Variants in NUP62CL observed in about 807,000 individuals in gnomAD.
NUP62CL encodes nucleoporin-62 C-terminal-like protein.
Under a neutral mutation model 15.3 loss-of-function variants are expected in NUP62CL, and 13 were observed. The observed-to-expected ratio is 0.85, with a 90% CI of 0.55 to 1.35. The LOEUF (loss-of-function observed/expected upper bound fraction) is 1.35. Among genes scored for constraint, NUP62CL ranks in the 40% most tolerant of loss-of-function variants. The pLI, the probability that NUP62CL is intolerant of heterozygous loss-of-function variation, is 0.00. For missense variants in NUP62CL, 123 were observed against 130.6 expected (o/e 0.94, Z 0.28); for synonymous variants, 54 against 49.2 (o/e 1.10, Z -0.41).
At chrX:107,166,209 C>G (rs1926513415) in intron 4 of NUP62CL, among the ~76,000 whole-genome samples, 1 of 111,308 alleles carries the variant, frequency 9.0e-6, no homozygotes, top group African/African-American at 3.3e-5. Flanking sequence ...GAAAACCAAA[C>G]AGTAAAAAAA....
chrX:107,154,804 C>G (rs982835), intron 4 of NUP62CL, among the ~76,000 whole-genome samples: 40,887 of 110,904 alleles, frequency 0.37, 8,136 homozygotes, highest in African/African-American at 0.77. Context: ...AGTGTCAGCA[C>G]GGCTCAGTGG....
chrX:107,172,161 TAAA>T (rs756508608), intron 3 of NUP62CL, among the ~76,000 whole-genome samples: 2 of 76,456 alleles, frequency 2.6e-5, no homozygotes, highest in Non-Finnish European at 2.6e-5. Context: ...TCATCTCTAC[TAAA>T]AAAAAAAAAA....
In NUP62CL at chrX:107,164,427, T is replaced by C. The variant is rs755888235; in HGVS notation, c.194+3222A>G. ...ATCTCAAATCAATAGTCTGAGTTCATACCTCAACGAACTAGAAAAAGAGCA... is the reference window on the plus strand; with the variant it reads ...ATCTCAAATCAATAGTCTGAGTTCACACCTCAACGAACTAGAAAAAGAGCA... On this transcript the variant is annotated intron_variant, in intron 4 of 8. Coordinates refer to ENST00000372466, the MANE Select transcript of NUP62CL (RefSeq NM_017681.3). 3.6e-5 allele frequency among the ~76,000 whole-genome samples: 4 copies of C among 110,781 alleles called. No homozygotes were observed. In the Admixed American group the frequency reaches 3.8e-4, roughly 11 times the overall value.
chrX:107,185,097 T>C (rs1446329447), intron 2 of NUP62CL, among the ~76,000 whole-genome samples: 9 of 104,727 alleles, frequency 8.6e-5, no homozygotes, highest in Non-Finnish European at 9.6e-5. Context: ...CTCGGGAGGC[T>C]GAGGCAGGCG....
intron 4 of NUP62CL, among the ~76,000 whole-genome samples, chrX:107,166,060 G>C (rs1167848142): frequency 1.8e-5 from 2 of 111,752 alleles, no homozygotes; most frequent in African/African-American, 6.5e-5. Flanking sequence ...GTGATAAACT[G>C]TAACTCATTA....
At chrX:107,155,859 T>C (rs1046182600) in intron 4 of NUP62CL, among the ~76,000 whole-genome samples, 2 of 112,031 alleles carry the variant, frequency 1.8e-5, no homozygotes, top group African/African-American at 6.5e-5. Context: ...TGCATTTCCA[T>C]CTGAGGTACC....
At position 107,124,170 on chromosome X, in the gene NUP62CL, T is replaced by A. The variant is rs1388590358; in HGVS notation, c.*205A>T. On this transcript the variant is annotated 3_prime_UTR_variant, in exon 9 of 9. Transcript: ENST00000372466. ...ATCAAGATGAAATATTAAGTATAAA[T>A]ACTACTCTATTTAACATCAGAATTT... 6.3e-6 allele frequency: 2 copies of A among 316,658 alleles called. No homozygotes were observed. The highest frequency in any genetic ancestry group is 7.8e-5 in the Admixed American group (2 of 25,806). 26.1% of individuals were successfully genotyped at this position (316,658 alleles called of 1,213,427 possible).
intron 2 of NUP62CL, among the ~76,000 whole-genome samples, chrX:107,178,047 T>A (rs540744702): frequency 2.7e-5 from 3 of 111,870 alleles, no homozygotes; most frequent in South Asian, 7.5e-4. Context: ...CACGCTACCA[T>A]ATGAATGAGC....
chrX:107,180,417 G>A (rs1008097457), intron 2 of NUP62CL, among the ~76,000 whole-genome samples: 1 of 111,504 alleles, frequency 9.0e-6, no homozygotes, highest in Non-Finnish European at 1.9e-5. Flanking sequence ...GCAAGGGACT[G>A]GATATATAAA....
At position 107,204,051 on chromosome X, in the gene NUP62CL, T is replaced by A. The variant is rs774266752; in HGVS notation, c.-92+2222A>T. ...CTTTATTTCACCATTATTCTTTTTT[T>A]TTATTATTATACTTTAAGTTTTAGG... is the stretch of plus-strand genomic sequence containing the variant. On this transcript the variant is annotated intron_variant, in intron 1 of 8. Coordinates refer to ENST00000372466, the MANE Select transcript of NUP62CL (RefSeq NM_017681.3). Among the ~76,000 whole-genome samples, 170 of 111,462 alleles carry A rather than the reference T, an allele frequency of 1.5e-3. 1 individual carries two copies. The highest frequency in any genetic ancestry group is 5.2e-3 in the African/African-American group (161 of 30,705).
rs756508608 is a variant in NUP62CL, at chrX:107,172,161, T to TAA, written c.58+2926_58+2927dup. On this transcript the variant is annotated intron_variant, in intron 3 of 8. Coordinates refer to ENST00000372466, the MANE Select transcript of NUP62CL (RefSeq NM_017681.3). ...CAATGTAGTGAGACCTCATCTCTAC[T>TAA]AAAAAAAAAAAAAAAAAAATCAGTT... Among the ~76,000 whole-genome samples the TAA allele has an allele frequency of 5.6e-3, 425 of 76,434 alleles. 5 individuals carry two copies. Among genetic ancestry groups the TAA allele is most frequent in the African/African-American group, 0.02 (412 of 20,816 alleles). The allele number at this position is 76,434 out of a possible 115,157, so 66.4% of individuals were successfully genotyped here.
chrX:107,138,901 G>A (rs932084097), intron 8 of NUP62CL, among the ~76,000 whole-genome samples: 1 of 111,992 alleles, frequency 8.9e-6, no homozygotes, highest in African/African-American at 3.2e-5. Context: ...AAACAGCCCA[G>A]ATGTCCTGCA....
At chrX:107,155,832 A>G (rs187329488) in intron 4 of NUP62CL, among the ~76,000 whole-genome samples, 2,775 of 112,624 alleles carry the variant, frequency 0.025, 98 homozygotes, top group African/African-American at 0.084. Context: ...TGAGCGACAC[A>G]GAAGACGGGT....
At chrX:107,202,432 C>T (rs750529455) in intron 1 of NUP62CL, 1 of 110,926 alleles carries the variant, frequency 9.0e-6, no homozygotes, top group Non-Finnish European at 1.9e-5. Flanking sequence ...AATACACACT[C>T]ATATAATCTT....
intron 2 of NUP62CL, among the ~76,000 whole-genome samples, chrX:107,187,360 CAAT>C (rs765788649): frequency 4.5e-5 from 5 of 111,535 alleles, no homozygotes; most frequent in Admixed American, 2.8e-4. Flanking sequence ...AAAACGAAAA[CAAT>C]AAAAAAAATT....
At chrX:107,200,529 G>T in intron 1 of NUP62CL, among the ~76,000 whole-genome samples, 1 of 108,867 alleles carries the variant, frequency 9.2e-6, no homozygotes, top group Middle Eastern at 4.8e-3. Flanking sequence ...TGAGGCAGGA[G>T]AATCGCTTGA....
intron 1 of NUP62CL, among the ~76,000 whole-genome samples, chrX:107,201,740 C>A (rs1461523131): frequency 3.7e-5 from 4 of 108,933 alleles, no homozygotes; most frequent in Non-Finnish European, 7.6e-5. Flanking sequence ...ACGGCCTGAG[C>A]AACATAGTGA....
At chrX:107,191,031 G>A (rs6622177) in intron 2 of NUP62CL, among the ~76,000 whole-genome samples, 16,273 of 104,353 alleles carry the variant, frequency 0.16, 1,241 homozygotes, top group East Asian at 0.46. Context: ...AAGCAGTGTT[G>A]TCCAACTTTT....
chrX:107,174,064 CCTCCCTCT>C (rs1165887711), intron 3 of NUP62CL, among the ~76,000 whole-genome samples: 4 of 68,851 alleles, frequency 5.8e-5, no homozygotes, highest in East Asian at 6.1e-4. Context: ...TCCCTCCCTC[CCTCCCTCT>C]CTCTCTCTCC....
Sources: allele counts gnomAD v4.1 joint callset (sites outside exome capture counted in the v4.1 genomes callset), GRCh38; gene constraint gnomAD v4.1.1; transcripts MANE v1.5; gene names NCBI Gene and HGNC (gene_info 2026-07-23, HGNC 2026-07-21).